DDI2: variants seen among roughly 807,000 people sequenced by gnomAD.
DDI2 encodes DDI proteasomal shuttling factor 2.
DDI2 carries 5 observed loss-of-function variants against 48.1 expected under a neutral mutation model. The observed-to-expected ratio is 0.10, with a 90% CI of 0.05 to 0.22. DDI2 has a LOEUF of 0.22. DDI2 is among the 10% of genes least tolerant of loss of function. The probability of loss-of-function intolerance (pLI) is 1.00; values close to 1 mark genes in which losing one functional copy is unlikely to be tolerated. For synonymous variants in DDI2, 205 were observed against 183.6 expected (o/e 1.12, Z -0.94); for missense variants, 285 against 506.2 (o/e 0.56, Z 4.19).
Position 15,660,521 on chromosome 1 carries a change from G to A in DDI2, c.*731G>A, listed in dbSNP as rs1453251774. On this transcript the variant is annotated 3_prime_UTR_variant, in exon 10 of 10. Transcript: ENST00000480945. ...GTTGATTTGGAAGCTACGATGAAAG[G>A]AAATGGGCTCCCACAGAATGTGGAT... 1.9e-6 allele frequency: 3 copies of A among 1,613,486 alleles called. No homozygotes were observed. The highest frequency in any genetic ancestry group is 1.1e-5 in the South Asian group (1 of 90,852).
intron 2 of DDI2, among the ~76,000 whole-genome samples, chr1:15,628,774 G>A (rs147684328): frequency 1.4e-4 from 21 of 151,896 alleles, no homozygotes; most frequent in African/African-American, 5.1e-4. Flanking sequence ...ATATTCATGA[G>A]TTGTGTAACC....
intron 1 of DDI2, among the ~76,000 whole-genome samples, chr1:15,624,591 C>A (rs1639722791): frequency 6.6e-6 from 1 of 152,130 alleles, no homozygotes. Flanking sequence ...CCTCAGACTC[C>A]TAAGTAGCTG....
At chr1:15,631,629 A>G (rs56219492) in intron 3 of DDI2, among the ~76,000 whole-genome samples, 5,091 of 152,202 alleles carry the variant, frequency 0.033, 114 homozygotes, top group Middle Eastern at 0.082. Context: ...AACTCCTGTA[A>G]CCCCAATCAA....
intron 1 of DDI2, among the ~76,000 whole-genome samples, chr1:15,621,576 G>C (rs1000483957): frequency 2.6e-5 from 4 of 152,002 alleles, no homozygotes; most frequent in Admixed American, 6.6e-5. Flanking sequence ...TTGGAGATGG[G>C]GGTTTCACTG....
intron 6 of DDI2, among the ~76,000 whole-genome samples, chr1:15,644,844 C>T (rs895635469): frequency 2.6e-4 from 39 of 151,826 alleles, no homozygotes; most frequent in Non-Finnish European, 2.9e-5. Flanking sequence ...CCGCCCGCCT[C>T]GGCCTCCCAA....
At chr1:15,628,839 C>T (rs368872429) in intron 2 of DDI2, among the ~76,000 whole-genome samples, 1 of 152,046 alleles carries the variant, frequency 6.6e-6, no homozygotes, top group Non-Finnish European at 1.5e-5. Flanking sequence ...AATCCTATAC[C>T]CATTTATAGT....
chr1:15,631,819 T>C (rs1448957276), intron 3 of DDI2, among the ~76,000 whole-genome samples: 1 of 152,168 alleles, frequency 6.6e-6, no homozygotes. Flanking sequence ...GTTTTTTTTT[T>C]TCTTGAGACG....
chr1:15,650,544 T>C (rs1640161565), intron 7 of DDI2, among the ~76,000 whole-genome samples: 1 of 152,054 alleles, frequency 6.6e-6, no homozygotes, highest in African/African-American at 2.4e-5. Context: ...CAGAATGAGT[T>C]TGAAACCAGT....
intron 6 of DDI2, among the ~76,000 whole-genome samples, chr1:15,648,307 A>G (rs1640121719): frequency 6.6e-6 from 1 of 152,224 alleles, no homozygotes; most frequent in Admixed American, 6.5e-5. Context: ...TGTGGATTTT[A>G]CAACCGTGGC....
At chr1:15,658,189 A>C (rs1488742629) in intron 9 of DDI2, among the ~76,000 whole-genome samples, 1 of 151,906 alleles carries the variant, frequency 6.6e-6, no homozygotes, top group Non-Finnish European at 1.5e-5. Flanking sequence ...TCACTCTGTC[A>C]CCCAGGCTGG....
chr1:15,652,276 T>TC (rs1640198203), intron 8 of DDI2, among the ~76,000 whole-genome samples: 1 of 151,694 alleles, frequency 6.6e-6, no homozygotes, highest in South Asian at 2.1e-4. Flanking sequence ...CAGGCCTATC[T>TC]CCAACTCCTG....
Position 15,661,212 on chromosome 1 carries a change from T to C in DDI2, c.*1422T>C. ...CTGTAGAAAATGTAAACTTCAGGAG[T>C]CTAGGTGATGGCCTGTCAACCGATA... On this transcript the variant is annotated 3_prime_UTR_variant, in exon 10 of 10. Coordinates refer to ENST00000480945, the MANE Select transcript of DDI2 (RefSeq NM_032341.5). The C allele has an allele frequency of 1.9e-6, 3 of 1,613,966 alleles. No individual in the cohort carries two copies. The highest frequency in any genetic ancestry group is 2.5e-6 in the Non-Finnish European group (3 of 1,179,970).
Position 15,659,994 on chromosome 1 carries a change from C to T in DDI2, c.*204C>T, listed in dbSNP as rs773177104. ...CTGCTTCAGTCTGCCCTATCAAGCC[C>T]AGTGACTCAGATCGCATTGAACCTA... On this transcript the variant is annotated 3_prime_UTR_variant, in exon 10 of 10. Coordinates refer to ENST00000480945, the MANE Select transcript of DDI2 (RefSeq NM_032341.5). 3 of 1,614,194 alleles carry T rather than the reference C, an allele frequency of 1.9e-6. No homozygotes were observed. Among genetic ancestry groups the T allele is most frequent in the African/African-American group, 1.3e-5 (1 of 75,062 alleles).
Position 15,651,710 on chromosome 1 carries a change from C to G in DDI2, c.998C>G (p.Ser333Cys), listed in dbSNP as rs535658184. The G allele has an allele frequency of 6.2e-7, 1 of 1,603,282 alleles. No homozygotes were observed. Among genetic ancestry groups the G allele is most frequent in the African/African-American group, 1.3e-5 (1 of 74,440 alleles). The part of the protein sequence containing the change: ...GLDMLKRHQC[S>C]IDLKKNVLVI... ...CTTTGGTTTCTTTCTTCCAAGTGTTCCATCGACCTGAAGAAAAATGTACTC... is the reference window on the plus strand; with the variant it reads ...CTTTGGTTTCTTTCTTCCAAGTGTTGCATCGACCTGAAGAAAAATGTACTC... The change falls in exon 8 of 10, where the codon TCC becomes TGC. Residue 333 changes from serine (S) to cysteine (C), a missense_variant. Physicochemically the swap from Ser to Cys is moderately radical, Grantham distance 112 (BLOSUM62 -1). Around this residue, in one of 3 missense-constraint regions of DDI2, gnomAD observed 66 missense variants for 87.3 expected, o/e 0.76. Transcript: ENST00000480945.
chr1:15,654,657 C>CA (rs201383199), intron 8 of DDI2, among the ~76,000 whole-genome samples: 1,583 of 108,600 alleles, frequency 0.015, 21 homozygotes, highest in African/African-American at 0.031. Flanking sequence ...ATCCTGTGTC[C>CA]AAAAAAAAAA....
At chr1:15,655,357 G>T (rs905232349) in intron 8 of DDI2, among the ~76,000 whole-genome samples, 1 of 151,934 alleles carries the variant, frequency 6.6e-6, no homozygotes, top group Non-Finnish European at 1.5e-5. Context: ...GGTGGCTCAT[G>T]CCTGTGGTCC....
intron 1 of DDI2, among the ~76,000 whole-genome samples, chr1:15,624,455 G>A (rs537330831): frequency 6.6e-6 from 1 of 151,962 alleles, no homozygotes; most frequent in Non-Finnish European, 1.5e-5. Flanking sequence ...TTGAAATGTG[G>A]TTCTTTTTTT....
Position 15,630,484 on chromosome 1 carries a change from T to C in DDI2, c.428T>C (p.Leu143Pro). The C allele has an allele frequency of 6.2e-7, 1 of 1,614,234 alleles. No individual in the cohort carries two copies. The highest frequency in any genetic ancestry group is 8.5e-7 in the Non-Finnish European group (1 of 1,180,036). Residue 143 changes from leucine (L) to proline (P), a missense_variant, in exon 3 of 10, where the codon CTG becomes CCG. Transcript: ENST00000480945. ...CCAGCCTTGCTCCGAGATATGTTGC[T>C]GGCCAACCCGCATGAGCTGTCCTTG... Reference protein sequence around the residue: ...DNPALLRDMLLANPHELSLLK... With the variant: ...DNPALLRDMLPANPHELSLLK...
At chr1:15,634,675 G>A (rs961526990) in intron 4 of DDI2, among the ~76,000 whole-genome samples, 1 of 151,396 alleles carries the variant, frequency 6.6e-6, no homozygotes, top group Non-Finnish European at 1.5e-5. Flanking sequence ...GGGAATACAG[G>A]CATCTGTCAC....
Sources: allele counts gnomAD v4.1 joint callset (sites outside exome capture counted in the v4.1 genomes callset), GRCh38; gene constraint gnomAD v4.1.1; regional missense constraint gnomAD v4.1.1; transcripts MANE v1.5; gene names NCBI Gene and HGNC (gene_info 2026-07-23, HGNC 2026-07-21).